Variants in KHDRBS3 observed in about 807,000 individuals in gnomAD.
KHDRBS3 encodes KH domain-containing, RNA-binding, signal transduction-associated protein 3.
KHDRBS3 carries 23 observed loss-of-function variants against 45.6 expected under a neutral mutation model. The ratio of observed to expected loss-of-function variants is 0.50; its 90% CI spans 0.36 to 0.72. The LOEUF (loss-of-function observed/expected upper bound fraction) is 0.72, where lower values mean the gene tolerates loss of function less well. Ranked by LOEUF, KHDRBS3 falls within the 30% of genes least tolerant of loss-of-function variation. The pLI is 0.00. For synonymous variants in KHDRBS3, 162 were observed against 156.5 expected (o/e 1.04, Z -0.26); for missense variants, 352 against 424.8 (o/e 0.83, Z 1.51).
In KHDRBS3 at chr8:135,457,808, GCCGGGCGCCGCCCC is replaced by G. The variant is rs1821186205; in HGVS notation, c.-55_-42del. 1 of 1,203,556 alleles carries G rather than the reference GCCGGGCGCCGCCCC, an allele frequency of 8.3e-7. No individual in the cohort carries two copies. The highest frequency in any genetic ancestry group is 1.1e-6 in the Non-Finnish European group (1 of 884,876). The allele number at this position is 1,203,556 out of a possible 1,614,324, so 74.6% of individuals were successfully genotyped here. A position where few individuals can be genotyped will look rare whatever the true frequency, so the allele number is the denominator to read the frequency against. ...GGGGGCGCGGGCGGGGTCGGGGGTT[GCCGGGCGCCGCCCC>G]CCGTGCGCCTGGAGTCCACATCCCG... On this transcript the variant is annotated 5_prime_UTR_variant, in exon 1 of 9. Coordinates refer to ENST00000355849, the MANE Select transcript of KHDRBS3 (RefSeq NM_006558.3). This position sits in a 1 kb window ranked among gnomAD's most constrained non-coding sequence, Gnocchi z 4.4.
chr8:135,484,943 G>A (rs115059046), intron 1 of KHDRBS3, among the ~76,000 whole-genome samples: 16 of 152,244 alleles, frequency 1.1e-4, no homozygotes, highest in African/African-American at 3.9e-4. Flanking sequence ...TATTTGTCGA[G>A]TGCTGTGCCA....
intron 1 of KHDRBS3, among the ~76,000 whole-genome samples, chr8:135,504,147 T>C (rs1307664814): frequency 3.3e-5 from 5 of 152,192 alleles, no homozygotes; most frequent in Non-Finnish European, 7.3e-5. Context: ...TGTATGTTTT[T>C]ATTAGTTTTT....
intron 7 of KHDRBS3, among the ~76,000 whole-genome samples, chr8:135,618,966 C>T (rs556164946): frequency 4.3e-4 from 65 of 152,306 alleles, no homozygotes; most frequent in African/African-American, 1.5e-3. Context: ...TTGGCACCTT[C>T]GTTATCACCA....
chr8:135,618,733 A>C (rs1830018493), intron 7 of KHDRBS3, among the ~76,000 whole-genome samples: 1 of 152,218 alleles, frequency 6.6e-6, no homozygotes, highest in Non-Finnish European at 1.5e-5. Flanking sequence ...TTATATGATT[A>C]GGAGTCAGGC....
chr8:135,609,467 G>T (rs1057162193), intron 7 of KHDRBS3, among the ~76,000 whole-genome samples: 1 of 151,844 alleles, frequency 6.6e-6, no homozygotes, highest in South Asian at 2.1e-4. Context: ...GCTGATTTTT[G>T]TATTTATAGT....
chr8:135,497,200 T>G (rs1025253297), intron 1 of KHDRBS3, among the ~76,000 whole-genome samples: 1 of 152,212 alleles, frequency 6.6e-6, no homozygotes, highest in Non-Finnish European at 1.5e-5. Context: ...TAGAGCCCAT[T>G]GGTATCGTCC....
chr8:135,493,795 A>G (rs1431063441), intron 1 of KHDRBS3, among the ~76,000 whole-genome samples: 1 of 152,150 alleles, frequency 6.6e-6, no homozygotes, highest in Non-Finnish European at 1.5e-5. Flanking sequence ...TAATAAAATG[A>G]GTTGGGAAGT....
intron 3 of KHDRBS3, among the ~76,000 whole-genome samples, 155 bp downstream of exon 3, chr8:135,542,925 T>G (rs972827306): frequency 2.0e-5 from 3 of 152,232 alleles, no homozygotes; most frequent in African/African-American, 7.2e-5. Context: ...GAATATGTAG[T>G]AACTTAAACC....
At chr8:135,644,464 T>TG (rs1236903250) in intron 7 of KHDRBS3, among the ~76,000 whole-genome samples, 1 of 152,226 alleles carries the variant, frequency 6.6e-6, no homozygotes, top group African/African-American at 2.4e-5. Context: ...CGGATGGTGA[T>TG]GCAACAGTGC....
intron 1 of KHDRBS3, among the ~76,000 whole-genome samples, chr8:135,480,494 T>C (rs1822507269): frequency 6.6e-6 from 1 of 152,196 alleles, no homozygotes; most frequent in Non-Finnish European, 1.5e-5. Flanking sequence ...AAATGTAGTA[T>C]ATACTTTACT....
At chr8:135,531,632 A>T (rs980297651) in intron 2 of KHDRBS3, among the ~76,000 whole-genome samples, 1 of 152,212 alleles carries the variant, frequency 6.6e-6, no homozygotes, top group Non-Finnish European at 1.5e-5. Context: ...AATTAATATT[A>T]CAAAGGTAGA....
At chr8:135,464,328 T>C (rs1207232818) in intron 1 of KHDRBS3, among the ~76,000 whole-genome samples, 3 of 152,168 alleles carry the variant, frequency 2.0e-5, no homozygotes, top group African/African-American at 7.2e-5. Flanking sequence ...GCATTCAAAG[T>C]AAGGATTTTT....
intron 1 of KHDRBS3, among the ~76,000 whole-genome samples, chr8:135,504,255 G>A (rs1385830428): frequency 6.6e-6 from 1 of 152,194 alleles, no homozygotes; most frequent in Non-Finnish European, 1.5e-5. Flanking sequence ...AGTTGTGCTT[G>A]TCTGGAGGCT....
At chr8:135,536,292 C>T (rs1425167124) in intron 2 of KHDRBS3, among the ~76,000 whole-genome samples, 1 of 124,422 alleles carries the variant, frequency 8.0e-6, no homozygotes, top group African/African-American at 2.9e-5. Context: ...ATGTGACGTT[C>T]CTTCCAACTC....
chr8:135,500,502 A>G (rs140803974), intron 1 of KHDRBS3, among the ~76,000 whole-genome samples: 1 of 152,304 alleles, frequency 6.6e-6, no homozygotes, highest in Admixed American at 6.5e-5. Context: ...AGGAAGCAGA[A>G]GTTCACCTTA....
intron 2 of KHDRBS3, among the ~76,000 whole-genome samples, chr8:135,533,704 A>G (rs1825593731): frequency 6.6e-6 from 1 of 152,200 alleles, no homozygotes; most frequent in African/African-American, 2.4e-5. Flanking sequence ...GATTTGAGAT[A>G]TATACTGATC....
intron 1 of KHDRBS3, among the ~76,000 whole-genome samples, chr8:135,475,643 C>T (rs928681326): frequency 2.6e-5 from 4 of 152,024 alleles, no homozygotes; most frequent in Non-Finnish European, 5.9e-5. Context: ...TCAAATTATA[C>T]ATCAGCGGTC....
chr8:135,622,896 G>A (rs1830206214), intron 7 of KHDRBS3, among the ~76,000 whole-genome samples: 1 of 152,204 alleles, frequency 6.6e-6, no homozygotes, highest in South Asian at 2.1e-4. Context: ...CCTCAAAGTT[G>A]TATATTTTTT....
In KHDRBS3 at chr8:135,552,502, T is replaced by G. The variant is rs1314475126; in HGVS notation, c.471+3602T>G. Among the ~76,000 whole-genome samples, 3 of 152,190 alleles carry G rather than the reference T, an allele frequency of 2.0e-5. No homozygotes were observed. The East Asian group carries it at 5.8e-4, about 29-fold the overall frequency. On this transcript the variant is annotated intron_variant, in intron 4 of 8. Coordinates refer to ENST00000355849, the MANE Select transcript of KHDRBS3 (RefSeq NM_006558.3). ...CCAAGACAGCCTCTTTGTACTGCTT[T>G]TCTCCCCCTGAGTATAGGTCACGTT...
Sources: allele counts gnomAD v4.1 joint callset (sites outside exome capture counted in the v4.1 genomes callset), GRCh38; gene constraint gnomAD v4.1.1; non-coding constraint Gnocchi (gnomAD v3.1); transcripts MANE v1.5; gene names NCBI Gene and HGNC (gene_info 2026-07-23, HGNC 2026-07-21).